CSMD1: variants seen among roughly 807,000 people sequenced by gnomAD.
The protein encoded by CSMD1 is CUB and Sushi multiple domains 1, also known as CUB and sushi domain-containing protein 1.
A neutral mutation model predicts 417.5 loss-of-function variants in CSMD1; 213 were observed. The observed-to-expected ratio is 0.51, with a 90% CI of 0.46 to 0.57. CSMD1 has a LOEUF of 0.57. CSMD1 is among the 20% of genes least tolerant of loss of function. The probability of loss-of-function intolerance (pLI) is 0.00; values close to 1 mark genes in which losing one functional copy is unlikely to be tolerated. For missense variants in CSMD1, 6,923 were observed against 4,529.7 expected (o/e 1.53, Z -15.17); for synonymous variants, 2,862 against 1,736.8 (o/e 1.65, Z -16.11).
intron 25 of CSMD1, among the ~76,000 whole-genome samples, chr8:3,291,262 T>A (rs1440798360): frequency 1.3e-5 from 2 of 152,192 alleles, no homozygotes; most frequent in South Asian, 2.1e-4. Flanking sequence ...TCGATGTTCA[T>A]AAGGGATATT....
intron 10 of CSMD1, among the ~76,000 whole-genome samples, chr8:3,571,413 T>C (rs62473877): frequency 0.1 from 15,476 of 152,224 alleles, 1,003 homozygotes; most frequent in Non-Finnish European, 0.14. Context: ...ACATATATTG[T>C]TCTGAACTGG....
chr8:4,138,784 G>A (rs1208323294), intron 3 of CSMD1, among the ~76,000 whole-genome samples: 2 of 152,106 alleles, frequency 1.3e-5, no homozygotes, highest in East Asian at 1.9e-4. Context: ...AATACACTAT[G>A]AACAGTGGCT....
At chr8:3,001,713 G>C (rs80117737) in intron 52 of CSMD1, among the ~76,000 whole-genome samples, 1 of 152,090 alleles carries the variant, frequency 6.6e-6, no homozygotes, top group African/African-American at 2.4e-5. Context: ...GAAACTTTTC[G>C]TAGGAAAACA....
chr8:4,454,433 C>G (rs963854967), intron 2 of CSMD1, among the ~76,000 whole-genome samples: 2 of 152,190 alleles, frequency 1.3e-5, no homozygotes, highest in African/African-American at 4.8e-5. Flanking sequence ...ATACCCTACC[C>G]TAGTCTGGCT....
chr8:3,771,845 C>T (rs1486427746), intron 5 of CSMD1, among the ~76,000 whole-genome samples: 1 of 152,088 alleles, frequency 6.6e-6, no homozygotes, highest in Non-Finnish European at 1.5e-5. Flanking sequence ...ATTCTCACTC[C>T]TTGTCCTTGC....
intron 3 of CSMD1, among the ~76,000 whole-genome samples, chr8:4,089,169 C>A (rs953582471): frequency 6.6e-6 from 1 of 152,200 alleles, no homozygotes; most frequent in Non-Finnish European, 1.5e-5. Flanking sequence ...ATTCCCCACT[C>A]TTTATGGTGA....
intron 41 of CSMD1, among the ~76,000 whole-genome samples, chr8:3,124,894 TC>T (rs1817410547): frequency 6.6e-6 from 1 of 152,224 alleles, no homozygotes; most frequent in East Asian, 1.9e-4. Context: ...CCAATTAGTT[TC>T]TTTTTCTATT....
intron 41 of CSMD1, among the ~76,000 whole-genome samples, chr8:3,131,367 T>A (rs571909073): frequency 3.4e-5 from 5 of 148,696 alleles, no homozygotes; most frequent in African/African-American, 1.2e-4. Context: ...AAAGAAAAAA[T>A]AAATAAATAA....
intron 69 of CSMD1, among the ~76,000 whole-genome samples, chr8:2,939,491 A>G (rs1801714784): frequency 6.6e-6 from 1 of 152,222 alleles, no homozygotes; most frequent in Admixed American, 6.5e-5. Flanking sequence ...GAATTAGAGG[A>G]TTTTCAGACT....
intron 23 of CSMD1, among the ~76,000 whole-genome samples, chr8:3,333,195 G>A (rs941013823): frequency 1.5e-4 from 23 of 152,106 alleles, no homozygotes; most frequent in African/African-American, 5.3e-4. Flanking sequence ...CCACAGCCCA[G>A]CCAACACCTG....
chr8:4,806,455 G>T (rs1195887816), intron 1 of CSMD1, among the ~76,000 whole-genome samples: 1 of 152,156 alleles, frequency 6.6e-6, no homozygotes, highest in Non-Finnish European at 1.5e-5. Flanking sequence ...CACCCTGCCT[G>T]CTTCCCACGC....
At chr8:3,738,218 G>T in intron 6 of CSMD1, among the ~76,000 whole-genome samples, 1 of 152,126 alleles carries the variant, frequency 6.6e-6, no homozygotes, top group Non-Finnish European at 1.5e-5. Flanking sequence ...ATGAAGTAGT[G>T]AATTTTATGC....
chr8:3,826,313 C>A (rs921641177), intron 5 of CSMD1, among the ~76,000 whole-genome samples: 1 of 151,462 alleles, frequency 6.6e-6, no homozygotes, highest in Non-Finnish European at 1.5e-5. Context: ...ATTGTCTTAA[C>A]TGGGGGCTTG....
chr8:3,691,784 CTT>C (rs1800258506), intron 7 of CSMD1, among the ~76,000 whole-genome samples: 1 of 151,842 alleles, frequency 6.6e-6, no homozygotes, highest in South Asian at 2.1e-4. Flanking sequence ...ATTTATTTCT[CTT>C]TGGTTTAAAA....
At chr8:3,544,355 C>G (rs966243070) in intron 10 of CSMD1, among the ~76,000 whole-genome samples, 12 of 152,066 alleles carry the variant, frequency 7.9e-5, no homozygotes, top group African/African-American at 2.7e-4. Flanking sequence ...ATCACAAACC[C>G]TTGTAGCAAA....
At chr8:4,764,020 G>C (rs1812284772) in intron 1 of CSMD1, among the ~76,000 whole-genome samples, 1 of 152,134 alleles carries the variant, frequency 6.6e-6, no homozygotes, top group Non-Finnish European at 1.5e-5. Flanking sequence ...GATCTTACAA[G>C]AAGCAGCTGC....
intron 54 of CSMD1, among the ~76,000 whole-genome samples, chr8:2,983,207 G>C (rs1218494393): frequency 6.6e-6 from 1 of 150,766 alleles, no homozygotes; most frequent in Non-Finnish European, 1.5e-5. Flanking sequence ...TTTTTTTTGA[G>C]ATGGAGTCTT....
At chr8:4,666,358 G>C (rs74645204) in intron 1 of CSMD1, among the ~76,000 whole-genome samples, 7 of 152,134 alleles carry the variant, frequency 4.6e-5, no homozygotes, top group Non-Finnish European at 1.0e-4. Context: ...ATGGAAGAGG[G>C]AGGCAGAGTC....
intron 1 of CSMD1, among the ~76,000 whole-genome samples, chr8:4,957,863 C>T (rs566176300): frequency 3.5e-4 from 54 of 152,270 alleles, no homozygotes; most frequent in African/African-American, 1.2e-3. Context: ...GTCACTCTGC[C>T]AGCCCCTGCA....
Sources: allele counts gnomAD v4.1 joint callset (sites outside exome capture counted in the v4.1 genomes callset), GRCh38; gene constraint gnomAD v4.1.1; transcripts MANE v1.5; gene names NCBI Gene and HGNC (gene_info 2026-07-23, HGNC 2026-07-21).